The following COL21A1 variants were observed in gnomAD, a reference collection of about 807,000 sequenced individuals.
COL21A1 encodes collagen type XXI alpha 1 chain, also known as collagen alpha-1(XXI) chain.
In COL21A1, 149 loss-of-function variants were observed where a neutral mutation model predicts 137.9. That is an observed-to-expected ratio of 1.08 (90% CI 0.95 to 1.24). The LOEUF (loss-of-function observed/expected upper bound fraction) is 1.24, where lower values mean the gene tolerates loss of function less well. Among genes scored for constraint, COL21A1 ranks in the 50% most tolerant of loss-of-function variants. The pLI is 0.00. For synonymous variants in COL21A1, 456 were observed against 391.5 expected, an observed-to-expected ratio of 1.16 and a Z score of -1.95; for missense variants, 1,167 against 1,158.4, an observed-to-expected ratio of 1.01 and a Z score of -0.11.
At chr6:56,260,417 T>C (rs1763222648) in intron 1 of COL21A1, among the ~76,000 whole-genome samples, 1 of 151,066 alleles carries the variant, frequency 6.6e-6, no homozygotes, top group Admixed American at 6.6e-5. Context: ...CTATAAAAAA[T>C]ACAAAAATTA....
Position 56,125,624 on chromosome 6 carries a change from A to G in COL21A1, c.1597-4T>C. The G allele has an allele frequency of 6.4e-7, 1 of 1,562,968 alleles. No individual in the cohort carries two copies. The highest frequency in any genetic ancestry group is 2.3e-5 in the East Asian group (1 of 43,856). On this transcript the variant is annotated splice_polypyrimidine_tract_variant and splice_region_variant and intron_variant, in intron 13 of 29. Coordinates refer to ENST00000244728, the MANE Select transcript of COL21A1 (RefSeq NM_030820.4). Reference sequence around the variant, plus strand: ...CTCCTTTGGCACCCATTTCACCCTAAAAGACAAAATATAAATAGTGAATAT... The same window carrying G: ...CTCCTTTGGCACCCATTTCACCCTAGAAGACAAAATATAAATAGTGAATAT...
intron 16 of COL21A1, among the ~76,000 whole-genome samples, chr6:56,108,470 G>A (rs1771144017): frequency 6.6e-6 from 1 of 151,928 alleles, no homozygotes; most frequent in Non-Finnish European, 1.5e-5. Flanking sequence ...TGATACTGGA[G>A]AAGGTAAAAT....
At chr6:56,148,967 T>A (rs1261829317) in intron 10 of COL21A1, among the ~76,000 whole-genome samples, 1 of 152,224 alleles carries the variant, frequency 6.6e-6, no homozygotes, top group Admixed American at 6.5e-5. Flanking sequence ...GAAGCAGGGC[T>A]GTCATCTCTC....
intron 16 of COL21A1, among the ~76,000 whole-genome samples, chr6:56,119,129 G>A (rs994597763): frequency 6.6e-6 from 1 of 152,060 alleles, no homozygotes; most frequent in African/African-American, 2.4e-5. Flanking sequence ...TGGAAAGGGA[G>A]AAGTAAAATT....
chr6:56,079,444 C>T (rs534872380), intron 17 of COL21A1, among the ~76,000 whole-genome samples: 5 of 151,748 alleles, frequency 3.3e-5, no homozygotes, highest in African/African-American at 1.2e-4. Context: ...TACAGATATC[C>T]TGAAGACAAT....
chr6:56,171,399 A>G (rs1362443832), intron 3 of COL21A1, among the ~76,000 whole-genome samples: 1 of 151,940 alleles, frequency 6.6e-6, no homozygotes, highest in Non-Finnish European at 1.5e-5. Flanking sequence ...ATATTTGTTA[A>G]TGTATTGTCT....
At chr6:56,240,030 G>A (rs573915932) in intron 1 of COL21A1, among the ~76,000 whole-genome samples, 10 of 152,204 alleles carry the variant, frequency 6.6e-5, no homozygotes, top group Non-Finnish European at 1.2e-4. Context: ...GAATCTGATG[G>A]TATTGTAAGG....
chr6:56,140,518 G>A (rs9475573), intron 12 of COL21A1, among the ~76,000 whole-genome samples: 1,656 of 152,226 alleles, frequency 0.011, 28 homozygotes, highest in African/African-American at 0.037. Flanking sequence ...TTCCAAAGGC[G>A]ACTGCGTGAT....
At chr6:56,135,806 C>A (rs1332861412) in intron 12 of COL21A1, among the ~76,000 whole-genome samples, 1 of 152,124 alleles carries the variant, frequency 6.6e-6, no homozygotes, top group Non-Finnish European at 1.5e-5. Flanking sequence ...GAAGCCTTTC[C>A]AATTTTTAAC....
At chr6:56,294,091 GT>G (rs1168811635) in intron 1 of COL21A1, among the ~76,000 whole-genome samples, 1 of 152,058 alleles carries the variant, frequency 6.6e-6, no homozygotes, top group Non-Finnish European at 1.5e-5. Context: ...AAATTGTTAT[GT>G]TACTCTACCA....
chr6:56,079,136 C>T (rs929091767), intron 17 of COL21A1, among the ~76,000 whole-genome samples: 2 of 151,592 alleles, frequency 1.3e-5, no homozygotes, highest in East Asian at 3.9e-4. Context: ...ATTCAAATAC[C>T]CACACACGTG....
intron 16 of COL21A1, among the ~76,000 whole-genome samples, chr6:56,114,818 A>C (rs1438254707): frequency 6.8e-5 from 10 of 147,412 alleles, no homozygotes; most frequent in Non-Finnish European, 3.0e-5. Context: ...CCATCCCATT[A>C]CTGGGTATAT....
chr6:56,277,029 C>A (rs1401855374), intron 1 of COL21A1, among the ~76,000 whole-genome samples: 1 of 151,542 alleles, frequency 6.6e-6, no homozygotes, highest in Non-Finnish European at 1.5e-5. Flanking sequence ...ACAGTGTTAG[C>A]CAGGATGGTC....
intron 12 of COL21A1, among the ~76,000 whole-genome samples, chr6:56,129,115 C>T (rs537333764): frequency 1.3e-5 from 2 of 152,188 alleles, no homozygotes; most frequent in Admixed American, 6.5e-5. Context: ...TGGGATTTAA[C>T]TCTTCTTAAA....
chr6:56,129,699 T>TGTGAGAGAGAGA (rs1450514214), intron 12 of COL21A1, among the ~76,000 whole-genome samples: 23 of 120,440 alleles, frequency 1.9e-4, no homozygotes, highest in African/African-American at 4.6e-4. Context: ...TGTGTGTGTG[T>TGTGAGAGAGAGA]GAGAGAGAGA....
chr6:56,195,413 G>A (rs1323038219), intron 1 of COL21A1, among the ~76,000 whole-genome samples: 1 of 151,972 alleles, frequency 6.6e-6, no homozygotes, highest in African/African-American at 2.4e-5. Context: ...CTGAGCCCCA[G>A]TCTCTCTGTC....
At chr6:56,159,806 T>A (rs962240089) in intron 9 of COL21A1, among the ~76,000 whole-genome samples, 2 of 152,136 alleles carry the variant, frequency 1.3e-5, no homozygotes, top group African/African-American at 4.8e-5. Context: ...TTAATCTCTA[T>A]CATCATCAGG....
chr6:56,129,699 T>TGTGTGTGTGTGTGTGA (rs1450514214), intron 12 of COL21A1, among the ~76,000 whole-genome samples: 8 of 120,516 alleles, frequency 6.6e-5, no homozygotes, highest in South Asian at 2.9e-4. Context: ...TGTGTGTGTG[T>TGTGTGTGTGTGTGTGA]GAGAGAGAGA....
chr6:56,307,866 A>AC (rs1177033289), intron 1 of COL21A1, among the ~76,000 whole-genome samples: 1 of 152,056 alleles, frequency 6.6e-6, no homozygotes, highest in Non-Finnish European at 1.5e-5. Context: ...TCTTGGCTCC[A>AC]CCCCCTCTTT....
Sources: allele counts gnomAD v4.1 joint callset (sites outside exome capture counted in the v4.1 genomes callset), GRCh38; gene constraint gnomAD v4.1.1; transcripts MANE v1.5; gene names NCBI Gene and HGNC (gene_info 2026-07-23, HGNC 2026-07-21).